Variants in PPP2R5C observed in about 807,000 individuals in gnomAD.
PPP2R5C encodes the protein serine/threonine-protein phosphatase 2A 56 kDa regulatory subunit gamma isoform.
A neutral mutation model predicts 68.9 loss-of-function variants in PPP2R5C; 7 were observed. That is an observed-to-expected ratio of 0.10 (90% confidence interval 0.06 to 0.19). The LOEUF (loss-of-function observed/expected upper bound fraction) is 0.19, where lower values mean the gene tolerates loss of function less well. PPP2R5C is among the 10% of genes least tolerant of loss of function. The pLI, the probability that PPP2R5C is intolerant of heterozygous loss-of-function variation, is 1.00. For missense variants in PPP2R5C, 348 were observed against 641.3 expected (o/e 0.54, Z 4.94); for synonymous variants, 210 against 222.2 (o/e 0.95, Z 0.49).
chr14:101,922,220 G>A, intron 13 of PPP2R5C: 1 of 979,510 alleles, frequency 1.0e-6, no homozygotes, highest in Non-Finnish European at 1.2e-6. Context: ...CGGGCACAAT[G>A]GCAGATGCCT....
At position 101,835,621 on chromosome 14, in the gene PPP2R5C, G is replaced by C. The variant is rs1283711774; in HGVS notation, c.95-21065G>C. 6.6e-6 allele frequency among the ~76,000 whole-genome samples: 1 copy of C among 152,228 alleles called. No homozygotes were observed. The highest frequency in any genetic ancestry group is 1.5e-5 in the Non-Finnish European group (1 of 68,050). The stretch of plus-strand genomic sequence containing the variant: ...ATTGAGGAATTTAAAGGTCTTAGAA[G>C]TAATATTCTTGTTAAGGCATCTGAG... On this transcript the variant is annotated intron_variant, in intron 1 of 13. Coordinates refer to ENST00000334743, the Ensembl canonical transcript of PPP2R5C. This position sits in a 1 kb window ranked among gnomAD's most constrained non-coding sequence, Gnocchi z 5.0.
intron 2 of PPP2R5C, among the ~76,000 whole-genome samples, chr14:101,771,043 G>A (rs2037118620): frequency 2.0e-5 from 3 of 152,222 alleles, no homozygotes; most frequent in African/African-American, 7.2e-5. Context: ...TCAGTATGTT[G>A]TTTTAAGCAG....
chr14:101,814,119 A>G (rs1381465463), intron 1 of PPP2R5C, among the ~76,000 whole-genome samples: 1 of 152,254 alleles, frequency 6.6e-6, no homozygotes, highest in African/African-American at 2.4e-5. Flanking sequence ...ACTAGTGAGA[A>G]TGGGTGCCCC....
chr14:101,782,024 C>T (rs890996976), intron 2 of PPP2R5C, among the ~76,000 whole-genome samples: 2 of 149,576 alleles, frequency 1.3e-5, no homozygotes, highest in African/African-American at 4.9e-5. Flanking sequence ...TCCCTGTGTG[C>T]CTCCTTCCCT....
At chr14:101,867,214 CAAAA>C in intron 2 of PPP2R5C, among the ~76,000 whole-genome samples, 1 of 132,026 alleles carries the variant, frequency 7.6e-6, no homozygotes, top group East Asian at 2.1e-4. Flanking sequence ...GAGACTCTGT[CAAAA>C]AAAAAAAAGC....
chr14:101,816,165 C>G (rs1394052455), intron 1 of PPP2R5C, among the ~76,000 whole-genome samples: 4 of 152,258 alleles, frequency 2.6e-5, no homozygotes, highest in African/African-American at 9.6e-5. Flanking sequence ...GTAAGACTAC[C>G]AAAAAGGTGA....
chr14:101,809,552 CTT>C (rs5811049), upstream of PPP2R5C, among the ~76,000 whole-genome samples: 129 of 92,892 alleles, frequency 1.4e-3, no homozygotes, highest in Middle Eastern at 6.3e-3. Context: ...TATACACACA[CTT>C]TTTTTTTTTT....
Position 101,916,964 on chromosome 14 carries a change from G to A in PPP2R5C, c.1327-867G>A, listed in dbSNP as rs1036938332. Among the ~76,000 whole-genome samples the A allele has an allele frequency of 7.2e-5, 11 of 152,176 alleles. No homozygotes were observed. The highest frequency in any genetic ancestry group is 3.9e-4 in the Admixed American group (6 of 15,280). ...GGTGGCAGTACACACACACGACCAC[G>A]CAGGACAAACAGGCGCCCCACACAG... On this transcript the variant is annotated intron_variant, in intron 12 of 13. Coordinates refer to ENST00000334743, the Ensembl canonical transcript of PPP2R5C. This position sits in a 1 kb window ranked among gnomAD's most constrained non-coding sequence, Gnocchi z 5.5.
intron 13 of PPP2R5C, among the ~76,000 whole-genome samples, chr14:101,924,684 G>A (rs956468824): frequency 6.6e-6 from 1 of 151,766 alleles, no homozygotes; most frequent in South Asian, 2.1e-4. Context: ...CTCGTGATCC[G>A]TCCGCCTCGG....
chr14:101,869,844 G>A (rs917781563), intron 2 of PPP2R5C, among the ~76,000 whole-genome samples: 1 of 151,990 alleles, frequency 6.6e-6, no homozygotes, highest in Non-Finnish European at 1.5e-5. Context: ...TAGAGACAAG[G>A]TCTCACTGTG....
intron 1 of PPP2R5C, among the ~76,000 whole-genome samples, chr14:101,848,358 C>G (rs1034417186): frequency 6.6e-6 from 1 of 151,874 alleles, no homozygotes; most frequent in African/African-American, 2.4e-5. Flanking sequence ...TGGTGAAACC[C>G]CATCTCTACT....
intron 2 of PPP2R5C, among the ~76,000 whole-genome samples, chr14:101,864,001 C>T (rs1169677970): frequency 1.5e-4 from 23 of 152,168 alleles, no homozygotes; most frequent in Non-Finnish European, 2.9e-5. Flanking sequence ...CCAGGTCATC[C>T]TCAGGCAAGC....
rs113401260 is a variant in PPP2R5C at position 101,844,352 on chromosome 14, A to G, written c.95-12334A>G. 4.2e-3 allele frequency among the ~76,000 whole-genome samples: 636 copies of G among 152,110 alleles called. 6 individuals are homozygous for G. Among genetic ancestry groups the G allele is most frequent in the Middle Eastern group, 0.014 (4 of 294 alleles). ...TCACCTCCCCAGAGATTGGACACAC[A>G]CGTGCACACAGTTCTGATATCGTGG... On this transcript the variant is annotated intron_variant, in intron 1 of 13. Coordinates refer to ENST00000334743, the Ensembl canonical transcript of PPP2R5C.
chr14:101,776,840 C>T (rs1425425578), intron 2 of PPP2R5C, among the ~76,000 whole-genome samples: 1 of 151,648 alleles, frequency 6.6e-6, no homozygotes, highest in Non-Finnish European at 1.5e-5. Context: ...AGAATGCTTT[C>T]AAGGTCCATC....
intron 1 of PPP2R5C, among the ~76,000 whole-genome samples, chr14:101,813,497 C>T (rs1260363514): frequency 6.6e-6 from 1 of 152,244 alleles, no homozygotes; most frequent in Non-Finnish European, 1.5e-5. Flanking sequence ...GGCCTTCAGT[C>T]TAGTGCCTCC....
chr14:101,874,416 A>G (rs1316922923), intron 2 of PPP2R5C, among the ~76,000 whole-genome samples: 1 of 152,278 alleles, frequency 6.6e-6, no homozygotes, highest in East Asian at 1.9e-4. Context: ...TTTTCGTAAT[A>G]AAAACATTGG....
At chr14:101,843,405 C>G (rs572519358) in intron 1 of PPP2R5C, 21 of 228,510 alleles carry the variant, frequency 9.2e-5, no homozygotes, top group African/African-American at 4.8e-4. Context: ...AAGAGACTTC[C>G]TGCCCTGCCA....
At chr14:101,880,112 C>G (rs895645588) in intron 2 of PPP2R5C, among the ~76,000 whole-genome samples, 1 of 152,176 alleles carries the variant, frequency 6.6e-6, no homozygotes, top group Non-Finnish European at 1.5e-5. Context: ...GTGCCCTATA[C>G]ACACACTAGC....
intron 2 of PPP2R5C, among the ~76,000 whole-genome samples, chr14:101,871,327 C>T (rs371601009): frequency 7.9e-5 from 12 of 152,006 alleles, no homozygotes; most frequent in African/African-American, 1.5e-4. Context: ...CTGCAAGCTC[C>T]GCCTCCCGGG....
Sources: allele counts gnomAD v4.1 joint callset (sites outside exome capture counted in the v4.1 genomes callset), GRCh38; gene constraint gnomAD v4.1.1; non-coding constraint Gnocchi (gnomAD v3.1); transcripts MANE v1.5; gene names NCBI Gene and HGNC (gene_info 2026-07-23, HGNC 2026-07-21).